KIAA1549L: variants seen among roughly 807,000 people sequenced by gnomAD.
The protein encoded by KIAA1549L is UPF0606 protein KIAA1549L.
KIAA1549L carries 88 observed loss-of-function variants against 160.7 expected under a neutral mutation model. The observed-to-expected ratio is 0.55, with a 90% CI of 0.46 to 0.65. The LOEUF (loss-of-function observed/expected upper bound fraction) is 0.65, where lower values mean the gene tolerates loss of function less well. Among genes scored for constraint, KIAA1549L ranks in the 30% least tolerant of loss-of-function variants. The pLI is 0.00. For missense variants in KIAA1549L, 2,258 were observed against 2,437.5 expected (o/e 0.93, Z 1.55); for synonymous variants, 950 against 976.7 (o/e 0.97, Z 0.51).
At chr11:33,630,819 T>C (rs56005035) in intron 16 of KIAA1549L, among the ~76,000 whole-genome samples, 3 of 152,218 alleles carry the variant, frequency 2.0e-5, no homozygotes, top group Admixed American at 1.3e-4. Context: ...TTAAGAGATT[T>C]TCAAGGGCTT....
At position 33,645,903 on chromosome 11, in the gene KIAA1549L, A is replaced by G. The variant is rs767049482; in HGVS notation, c.5627A>G (p.Tyr1876Cys). Residue 1876 changes from tyrosine to cysteine, a missense_variant, in exon 17 of 21, where the codon TAC becomes TGC. Around this residue, in one of 6 missense-constraint regions of KIAA1549L, gnomAD observed 1,359 missense variants for 1,546.6 expected, o/e 0.88. Coordinates refer to ENST00000658780, the MANE Select transcript of KIAA1549L (RefSeq NM_012194.3). ...HAGQSRHQEAYGSAQHLPYSE... is the reference protein window; with the variant it reads ...HAGQSRHQEACGSAQHLPYSE... ...GGCCAGAGCCGGCACCAAGAGGCCT[A>G]CGGCTCAGCCCAGCACCTGCCCTAT... 1.9e-6 allele frequency: 3 copies of G among 1,613,656 alleles called. No individual in the cohort carries two copies. The highest frequency in any genetic ancestry group is 2.5e-6 in the Non-Finnish European group (3 of 1,179,742).
chr11:33,545,257 A>C lies in KIAA1549L; in HGVS notation c.3264A>C (p.Pro1088=), dbSNP rs760136954. The change falls in exon 3 of 21, where the codon CCA becomes CCC. Residue 1088 remains proline (P), a synonymous_variant. Coordinates refer to ENST00000658780, the MANE Select transcript of KIAA1549L (RefSeq NM_012194.3). ...ITASVKATRL[P]PLRAENTDAV... ...CCTCAGTGAAGGCCACCCGGTTGCCACCATTGCGAGCAGAAAACACAGATG... is the reference window on the plus strand; with the variant it reads ...CCTCAGTGAAGGCCACCCGGTTGCCCCCATTGCGAGCAGAAAACACAGATG... The C allele has an allele frequency of 2.5e-6, 4 of 1,613,994 alleles. No homozygotes were observed. The Admixed American group carries it at 6.7e-5, about 27-fold the overall frequency.
At chr11:33,425,849 A>G (rs1294000996) in intron 1 of KIAA1549L, among the ~76,000 whole-genome samples, 1 of 152,230 alleles carries the variant, frequency 6.6e-6, no homozygotes, top group Admixed American at 6.5e-5. Flanking sequence ...AAGGCAAAAC[A>G]TCACTTCTTT....
chr11:33,396,998 C>T (rs1350190378), intron 1 of KIAA1549L, among the ~76,000 whole-genome samples: 1 of 150,904 alleles, frequency 6.6e-6, no homozygotes, highest in African/African-American at 2.4e-5. Flanking sequence ...GTTTTAAGCT[C>T]TCCTCTGTTT....
intron 1 of KIAA1549L, among the ~76,000 whole-genome samples, chr11:33,530,407 G>T (rs1853713160): frequency 2.6e-5 from 1 of 39,210 alleles, no homozygotes; most frequent in African/African-American, 9.9e-5. Flanking sequence ...GTCTAAAGAA[G>T]AAGAAGGAAA....
chr11:33,587,573 G>A (rs746248460), intron 11 of KIAA1549L, among the ~76,000 whole-genome samples: 1 of 152,234 alleles, frequency 6.6e-6, no homozygotes, highest in Admixed American at 6.5e-5. Flanking sequence ...TTTGCATGCT[G>A]TAAGTACCAA....
At chr11:33,647,669 A>G (rs1439831075) in intron 17 of KIAA1549L, among the ~76,000 whole-genome samples, 2 of 152,308 alleles carry the variant, frequency 1.3e-5, no homozygotes, top group South Asian at 2.1e-4. Flanking sequence ...GCCAGATTCT[A>G]GGAATCTGGG....
chr11:33,446,757 G>T (rs77804351), intron 1 of KIAA1549L, among the ~76,000 whole-genome samples: 1 of 151,998 alleles, frequency 6.6e-6, no homozygotes, highest in African/African-American at 2.4e-5. Flanking sequence ...CCACATGGGC[G>T]TCTTCATGGT....
chr11:33,627,497 T>A (rs1312606065), intron 16 of KIAA1549L, among the ~76,000 whole-genome samples: 1 of 152,082 alleles, frequency 6.6e-6, no homozygotes, highest in Non-Finnish European at 1.5e-5. Flanking sequence ...AGAGTGTATG[T>A]GTCGAGGAAT....
intron 1 of KIAA1549L, among the ~76,000 whole-genome samples, chr11:33,448,670 G>A (rs189921710): frequency 4.6e-5 from 7 of 152,284 alleles, no homozygotes; most frequent in Admixed American, 4.6e-4. Flanking sequence ...GGGAACGCTG[G>A]CATGCCAGAA....
At position 33,668,367 on chromosome 11, in the gene KIAA1549L, G is replaced by T; in HGVS notation, c.*213G>T. The T allele has an allele frequency of 3.4e-6, 2 of 591,922 alleles. No individual in the cohort carries two copies. The highest frequency in any genetic ancestry group is 2.2e-5 in the South Asian group (1 of 46,106). 36.7% of individuals were successfully genotyped at this position (591,922 alleles called of 1,614,324 possible). A position where few individuals can be genotyped will look rare whatever the true frequency, so the allele number is the denominator to read the frequency against. On this transcript the variant is annotated 3_prime_UTR_variant, in exon 21 of 21. Transcript: ENST00000658780. ...CAACTGATTGTGGGTCAAGTCCCTG[G>T]CTTGGGGCCTTATGTTTGATACTCT... is the stretch of plus-strand genomic sequence containing the variant.
Position 33,548,507 on chromosome 11 carries a change from A to G in KIAA1549L, c.3501+628A>G, listed in dbSNP as rs147387781. On this transcript the variant is annotated intron_variant, in intron 4 of 20. Transcript: ENST00000658780. ...TACATTGTTCATGTAATTTTCTAGA[A>G]AACTCTCCATTGCTTTTCCCCTTAT... 3.4e-3 allele frequency among the ~76,000 whole-genome samples: 516 copies of G among 152,338 alleles called. 16 individuals carry two copies. Among genetic ancestry groups the G allele is most frequent in the Non-Finnish European group, 3.5e-3 (240 of 68,040 alleles).
chr11:33,557,947 A>G (rs1485629140), intron 6 of KIAA1549L, among the ~76,000 whole-genome samples: 1 of 150,108 alleles, frequency 6.7e-6, no homozygotes. Context: ...CGATTGATCA[A>G]TCTTCCACTT....
At chr11:33,538,600 A>G (rs1853945617) in intron 1 of KIAA1549L, among the ~76,000 whole-genome samples, 1 of 152,120 alleles carries the variant, frequency 6.6e-6, no homozygotes, top group Non-Finnish European at 1.5e-5. Flanking sequence ...AATTCAACCT[A>G]TAATGGTGGT....
At position 33,645,924 on chromosome 11, in the gene KIAA1549L, C is replaced by T. The variant is rs370779771; in HGVS notation, c.5648C>T (p.Pro1883Leu). Reference sequence around the variant, plus strand: ...GCCTACGGCTCAGCCCAGCACCTGCCCTATTCGGAGGTGGTGACCAGCGCT... The same window carrying T: ...GCCTACGGCTCAGCCCAGCACCTGCTCTATTCGGAGGTGGTGACCAGCGCT... Reference protein sequence around the residue: ...QEAYGSAQHLPYSEVVTSAPG... With the variant: ...QEAYGSAQHLLYSEVVTSAPG... Residue 1883 changes from proline (P) to leucine (L), a missense_variant, in exon 17 of 21, where the codon CCC becomes CTC. By Grantham distance (98) the Pro-to-Leu change is moderately conservative. Around this residue, in one of 6 missense-constraint regions of KIAA1549L, gnomAD observed 1,359 missense variants for 1,546.6 expected, o/e 0.88. Coordinates refer to ENST00000658780, the MANE Select transcript of KIAA1549L (RefSeq NM_012194.3). 3.0e-5 allele frequency: 49 copies of T among 1,613,196 alleles called. No homozygotes were observed. Among genetic ancestry groups the T allele is most frequent in the Non-Finnish European group, 3.6e-5 (43 of 1,179,612 alleles).
At chr11:33,577,928 G>A (rs1304765079) in intron 10 of KIAA1549L, among the ~76,000 whole-genome samples, 3 of 152,120 alleles carry the variant, frequency 2.0e-5, no homozygotes, top group Admixed American at 1.3e-4. Flanking sequence ...CTTCTGTTCC[G>A]GCCATCTGCC....
At chr11:33,544,677 C>G (rs1443673063) in intron 2 of KIAA1549L, 90 bp from the exon 3 acceptor site, 1 of 1,484,862 alleles carries the variant, frequency 6.7e-7, no homozygotes, top group African/African-American at 1.4e-5. Flanking sequence ...TTCACCCTAG[C>G]AAATCCATAA....
intron 7 of KIAA1549L, among the ~76,000 whole-genome samples, chr11:33,561,198 G>T (rs188492236): frequency 9.7e-4 from 148 of 152,304 alleles, no homozygotes; most frequent in African/African-American, 3.4e-3. Flanking sequence ...ATGGTCAGAT[G>T]ATTTTTAAAG....
chr11:33,565,710 T>C (rs1004948951), intron 8 of KIAA1549L, among the ~76,000 whole-genome samples: 2 of 151,974 alleles, frequency 1.3e-5, no homozygotes, highest in Non-Finnish European at 2.9e-5. Context: ...GGAGGCTTTT[T>C]TTTTTTTTTC....
Sources: gnomAD v4.1 joint callset for allele counts (sites outside exome capture counted in the v4.1 genomes callset) on GRCh38, gnomAD v4.1.1 for gene constraint, gnomAD v4.1.1 regional missense constraint, MANE v1.5 for transcripts, NCBI Gene and HGNC (gene_info 2026-07-23, HGNC 2026-07-21) for gene names.